The following LHFPL5 variants were observed in gnomAD, a reference collection of about 807,000 sequenced individuals.
The protein encoded by LHFPL5 is LHFPL tetraspan subfamily member 5.
In LHFPL5, 12 loss-of-function variants were observed where a neutral mutation model predicts 18.7. That is an observed-to-expected ratio of 0.64 (90% CI 0.41 to 1.04). The LOEUF is 1.04. Among genes scored for constraint, LHFPL5 ranks in the 50% least tolerant of loss-of-function variants. The pLI is 0.00. For synonymous variants in LHFPL5, 111 were observed against 120.2 expected, an observed-to-expected ratio of 0.92 and a Z score of 0.50; for missense variants, 259 against 292.1, an observed-to-expected ratio of 0.89 and a Z score of 0.83.
At chr6:35,813,433 C>T (rs541714098) in intron 1 of LHFPL5, among the ~76,000 whole-genome samples, 45 of 151,738 alleles carry the variant, frequency 3.0e-4, no homozygotes, top group African/African-American at 9.4e-4. Context: ...TTAGGAGAGA[C>T]GGGGTTTCAC....
intron 1 of LHFPL5, 69 bp downstream of exon 1, chr6:35,806,151 A>G: frequency 1.3e-6 from 2 of 1,545,530 alleles, no homozygotes; most frequent in Non-Finnish European, 1.8e-6. Context: ...GCACCATCCC[A>G]GCCTCTGCCA....
intron 3 of LHFPL5, among the ~76,000 whole-genome samples, chr6:35,822,078 G>C (rs550690062): frequency 1.3e-5 from 2 of 151,476 alleles, no homozygotes; most frequent in Non-Finnish European, 2.9e-5. Context: ...TTGAAGAAAC[G>C]ATGTTTTGTC....
At chr6:35,821,857 A>ATT (rs763639486) in intron 3 of LHFPL5, among the ~76,000 whole-genome samples, 2,498 of 39,092 alleles carry the variant, frequency 0.064, 767 homozygotes, top group Middle Eastern at 0.1. Context: ...GTGTACCACA[A>ATT]TTTTTTTTTT....
intron 1 of LHFPL5, among the ~76,000 whole-genome samples, chr6:35,808,366 G>A (rs932636290): frequency 1.4e-5 from 2 of 144,732 alleles, no homozygotes; most frequent in Non-Finnish European, 3.0e-5. Context: ...ATAATAATAA[G>A]GCCAGCTGCA....
At chr6:35,806,210 C>T (rs1465000976) in intron 1 of LHFPL5, 128 bp downstream of exon 1, 2 of 945,202 alleles carry the variant, frequency 2.1e-6, no homozygotes, top group Admixed American at 2.4e-5. Flanking sequence ...CAGTCCTACT[C>T]AGTGCTCTGC....
intron 1 of LHFPL5, among the ~76,000 whole-genome samples, chr6:35,812,825 C>G (rs990503164): frequency 2.6e-5 from 4 of 152,162 alleles, no homozygotes; most frequent in African/African-American, 9.7e-5. Flanking sequence ...GAGGCCAAGG[C>G]CGGCGGATCA....
At chr6:35,821,545 G>A (rs1397963419) in intron 3 of LHFPL5, among the ~76,000 whole-genome samples, 1 of 149,742 alleles carries the variant, frequency 6.7e-6, no homozygotes, top group Non-Finnish European at 1.5e-5. Context: ...GCAATGACAT[G>A]ATCTTGGCTC....
chr6:35,818,339 A>ATTTTTT (rs1768800371), intron 2 of LHFPL5, among the ~76,000 whole-genome samples: 1 of 27,862 alleles, frequency 3.6e-5, no homozygotes, highest in Non-Finnish European at 5.9e-5. Flanking sequence ...ATATATATAT[A>ATTTTTT]TATATATATG....
chr6:35,806,646 G>C (rs995842247), intron 1 of LHFPL5, among the ~76,000 whole-genome samples: 1 of 152,110 alleles, frequency 6.6e-6, no homozygotes, highest in Non-Finnish European at 1.5e-5. Context: ...GCTGATTTTG[G>C]AGTGTTACTA....
Position 35,820,556 on chromosome 6 carries a change from C to G in LHFPL5, c.*16+1093C>G, listed in dbSNP as rs369085209. On this transcript the variant is annotated intron_variant, in intron 3 of 3. Coordinates refer to ENST00000360215, the MANE Select transcript of LHFPL5 (RefSeq NM_182548.4). Reference sequence around the variant, plus strand: ...TCTACTAAAAATACAAAAAATTAGCCAGGTGTGGTGGTGGGCACCTGTAGT... The same window carrying G: ...TCTACTAAAAATACAAAAAATTAGCGAGGTGTGGTGGTGGGCACCTGTAGT... Among the ~76,000 whole-genome samples the G allele has an allele frequency of 2.4e-4, 36 of 152,024 alleles. 1 individual carries two copies. In the East Asian group the frequency reaches 5.0e-3, roughly 21 times the overall value.
At chr6:35,808,952 T>C (rs1031257832) in intron 1 of LHFPL5, among the ~76,000 whole-genome samples, 1 of 152,138 alleles carries the variant, frequency 6.6e-6, no homozygotes, top group African/African-American at 2.4e-5. Context: ...TCCATTCTGC[T>C]GTGCTGCGGA....
chr6:35,811,412 A>C (rs1026355492), intron 1 of LHFPL5: 1 of 152,250 alleles, frequency 6.6e-6, no homozygotes, highest in African/African-American at 2.4e-5. Flanking sequence ...TACTTTACAG[A>C]CAACAGGACG....
At chr6:35,818,337 ATATATATATATGTATTTTTTT>A (rs1768799992) in intron 2 of LHFPL5, among the ~76,000 whole-genome samples, 1 of 12,204 alleles carries the variant, frequency 8.2e-5, no homozygotes, top group Non-Finnish European at 2.2e-4. Context: ...ATATATATAT[ATATATATATATGTATTTTTTT>A]TTTTTTTTTT....
At position 35,805,841 on chromosome 6, in the gene LHFPL5, G is replaced by T. The variant is rs898563542; in HGVS notation, c.171G>T (p.Pro57=). 1.2e-6 allele frequency: 2 copies of T among 1,614,162 alleles called. No homozygotes were observed. Among genetic ancestry groups the T allele is most frequent in the Non-Finnish European group, 8.5e-7 (1 of 1,180,026 alleles). The change falls in exon 1 of 4, where the codon CCG becomes CCT. Residue 57 remains proline (P), a synonymous_variant. Transcript: ENST00000360215. The surrounding 1 kb of genome is among the most constrained non-coding windows in gnomAD (Gnocchi z 4.3). ...GGATCGGCGACAGCGTCAACACACCGCAGGCAGGCTACTTCGGCCTTTTCT... is the reference window on the plus strand; with the variant it reads ...GGATCGGCGACAGCGTCAACACACCTCAGGCAGGCTACTTCGGCCTTTTCT... ...PYWIGDSVNT[P]QAGYFGLFSY... is the part of the protein sequence containing the mutation.
rs778999762 is a variant in LHFPL5 at position 35,823,100 on chromosome 6, T to C, written c.*135T>C. ...AGGCCTGAAGCCTGAAGCCTTTTAT[T>C]ATAACACTAAAACTGGACAGTCTCC... On this transcript the variant is annotated 3_prime_UTR_variant, in exon 4 of 4. Transcript: ENST00000360215. 4 of 152,122 alleles carry C rather than the reference T, an allele frequency of 2.6e-5. No individual in the cohort carries two copies. Among genetic ancestry groups the C allele is most frequent in the Non-Finnish European group, 4.4e-5 (3 of 68,016 alleles). The allele number at this position is 152,122 out of a possible 1,614,324, so 9.4% of individuals were successfully genotyped here.
At position 35,813,303 on chromosome 6, in the gene LHFPL5, G is replaced by T. The variant is rs537546012; in HGVS notation, c.413-1243G>T. Among the ~76,000 whole-genome samples the T allele has an allele frequency of 1.5e-3, 214 of 146,462 alleles. 3 individuals are homozygous for T. The highest frequency in any genetic ancestry group is 4.7e-3 in the African/African-American group (186 of 39,248). On this transcript the variant is annotated intron_variant, in intron 1 of 3. Transcript: ENST00000360215. ...GTCTGTTGCCCAGGCTGGAGTGCAG[G>T]GGCGCCATCTCGGCTCACTGTAGCT...
rs1581967302 is a variant in LHFPL5 at position 35,805,748 on chromosome 6, C to T, written c.78C>T (p.Gly26=). The part of the protein sequence containing the change: ...TNYVRNSRAV[G]VMWGTLTICF... ...ATGTGCGGAACTCGCGAGCCGTGGGCGTGATGTGGGGTACCCTCACCATCT... is the reference window on the plus strand; with the variant it reads ...ATGTGCGGAACTCGCGAGCCGTGGGTGTGATGTGGGGTACCCTCACCATCT... Residue 26 remains glycine (G), a synonymous_variant, in exon 1 of 4, where the codon GGC becomes GGT. Coordinates refer to ENST00000360215, the MANE Select transcript of LHFPL5 (RefSeq NM_182548.4). This position sits in a 1 kb window ranked among gnomAD's most constrained non-coding sequence, Gnocchi z 4.3. 6.2e-7 allele frequency: 1 copy of T among 1,614,216 alleles called. No homozygotes were observed.
chr6:35,811,026 G>C (rs528690653), intron 1 of LHFPL5, among the ~76,000 whole-genome samples: 1 of 152,048 alleles, frequency 6.6e-6, no homozygotes, highest in Non-Finnish European at 1.5e-5. Context: ...TGGGACCCTC[G>C]CTAGTGGCAT....
At chr6:35,812,302 C>A (rs949269278) in intron 1 of LHFPL5, among the ~76,000 whole-genome samples, 2 of 152,156 alleles carry the variant, frequency 1.3e-5, no homozygotes, top group African/African-American at 4.8e-5. Context: ...AACTTTAGGC[C>A]TGAAGAGGTG....
Sources: gnomAD v4.1 joint callset for allele counts (sites outside exome capture counted in the v4.1 genomes callset) on GRCh38, gnomAD v4.1.1 for gene constraint, Gnocchi (gnomAD v3.1) non-coding constraint, MANE v1.5 for transcripts, NCBI Gene and HGNC (gene_info 2026-07-23, HGNC 2026-07-21) for gene names.